EEIG1: variants seen among roughly 807,000 people sequenced by gnomAD.
EEIG1 encodes early estrogen-induced gene 1 protein.
the EEIG1 span, among the ~76,000 whole-genome samples, chr9:127,949,940 C>T: frequency 1.3e-5 from 2 of 152,224 alleles, no homozygotes; most frequent in African/African-American, 2.4e-5. Flanking sequence ...CACTGGGGGC[C>T]AGGCTACCAC....
chr9:127,948,398 A>C, the EEIG1 span: 1 of 1,614,140 alleles, frequency 6.2e-7, no homozygotes, highest in Non-Finnish European at 8.5e-7. Flanking sequence ...AGAGAGCAGG[A>C]ACATACCAAT....
chr9:127,948,154 C>A, the EEIG1 span: 1 of 1,614,000 alleles, frequency 6.2e-7, no homozygotes, highest in South Asian at 1.1e-5. Context: ...GCTGGTCCCA[C>A]CACCCTTACA....
chr9:127,966,331 G>GGCAT, the EEIG1 span, among the ~76,000 whole-genome samples: 3 of 152,058 alleles, frequency 2.0e-5, no homozygotes, highest in African/African-American at 7.2e-5. Context: ...ACACAAGCTG[G>GGCAT]GCATGGTGGT....
chr9:127,953,421 G>T, the EEIG1 span: 3 of 680,910 alleles, frequency 4.4e-6, no homozygotes, highest in East Asian at 7.7e-5. Context: ...TGAGTGCAAA[G>T]ACCATCAATA....
chr9:127,979,893 CT>C, the EEIG1 span: 1 of 1,395,118 alleles, frequency 7.2e-7, no homozygotes, highest in South Asian at 1.4e-5. Context: ...CCCCCGGATC[CT>C]CCTCACACCG....
At chr9:127,942,887 C>A in the EEIG1 span, 1 of 457,872 alleles carries the variant, frequency 2.2e-6, no homozygotes, top group Non-Finnish European at 4.0e-6. Context: ...CCAGCAGCGC[C>A]GGTCCTTGCC....
the EEIG1 span, among the ~76,000 whole-genome samples, chr9:127,956,402 ATTTTG>A: frequency 2.0e-5 from 3 of 152,112 alleles, no homozygotes; most frequent in African/African-American, 7.2e-5. Context: ...CTAAAAAACT[ATTTTG>A]TTTTATTTAT....
the EEIG1 span, chr9:127,948,037 A>G: frequency 9.4e-6 from 15 of 1,590,570 alleles, no homozygotes; most frequent in Admixed American, 1.7e-5. Context: ...TCGGGCCGCT[A>G]GCAGGGGAGG....
chr9:127,958,299 C>G, the EEIG1 span, among the ~76,000 whole-genome samples: 1 of 152,146 alleles, frequency 6.6e-6, no homozygotes, highest in Admixed American at 6.5e-5. Flanking sequence ...GATTAGGCAA[C>G]TATTTCCTGG....
At chr9:127,970,007 A>G in the EEIG1 span, among the ~76,000 whole-genome samples, 1 of 152,212 alleles carries the variant, frequency 6.6e-6, no homozygotes, top group Admixed American at 6.5e-5. Context: ...AAGCAGCAGA[A>G]TATTACAGGC....
At chr9:127,943,304 A>G in the EEIG1 span, 3 of 1,471,562 alleles carry the variant, frequency 2.0e-6, no homozygotes, top group South Asian at 3.4e-5. Flanking sequence ...CCACTGGACC[A>G]GGCCTCTGGA....
At chr9:127,954,883 A>T in the EEIG1 span, among the ~76,000 whole-genome samples, 3 of 152,122 alleles carry the variant, frequency 2.0e-5, no homozygotes, top group Non-Finnish European at 4.4e-5. Context: ...CCTCTACTGG[A>T]GAGATGCTTT....
the EEIG1 span, among the ~76,000 whole-genome samples, chr9:127,960,109 T>C: frequency 1.3e-5 from 2 of 152,142 alleles, no homozygotes; most frequent in African/African-American, 2.4e-5. Flanking sequence ...GGAGTGCAGG[T>C]AGCGATGAGG....
chr9:127,970,163 G>A, the EEIG1 span, among the ~76,000 whole-genome samples: 1 of 152,008 alleles, frequency 6.6e-6, no homozygotes, highest in Non-Finnish European at 1.5e-5. Context: ...GCCTACGCTG[G>A]AGTGCAGTGG....
chr9:127,943,241 C>T, the EEIG1 span: 35 of 1,613,984 alleles, frequency 2.2e-5, no homozygotes, highest in Non-Finnish European at 2.9e-5. Context: ...AGAGACCCTG[C>T]AGGTGAGAGA....
At chr9:127,960,866 GC>G in the EEIG1 span, among the ~76,000 whole-genome samples, 1 of 152,040 alleles carries the variant, frequency 6.6e-6, no homozygotes, top group Admixed American at 6.6e-5. Flanking sequence ...TCAGCACTGG[GC>G]CTCCCTCCTG....
the EEIG1 span, among the ~76,000 whole-genome samples, chr9:127,956,380 T>A: frequency 6.6e-6 from 1 of 152,182 alleles, no homozygotes; most frequent in African/African-American, 2.4e-5. Flanking sequence ...CAGAAAACAC[T>A]TAAGGAATCC....
At chr9:127,960,727 T>C in the EEIG1 span, among the ~76,000 whole-genome samples, 1 of 152,132 alleles carries the variant, frequency 6.6e-6, no homozygotes, top group Non-Finnish European at 1.5e-5. Context: ...GAGAGTTTGC[T>C]GTGGGAACGC....
At chr9:127,963,991 CAGCTGGGTGA>C in the EEIG1 span, among the ~76,000 whole-genome samples, 1 of 152,132 alleles carries the variant, frequency 6.6e-6, no homozygotes, top group East Asian at 1.9e-4. Context: ...CTCAGGCAGT[CAGCTGGGTGA>C]AGACCTGGGG....
Sources: gnomAD v4.1 joint callset for allele counts (sites outside exome capture counted in the v4.1 genomes callset) on GRCh38, gnomAD v4.1.1 for gene constraint, MANE v1.5 for transcripts, NCBI Gene and HGNC (gene_info 2026-07-23, HGNC 2026-07-21) for gene names.